The following SUGCT variants were observed in gnomAD, a reference collection of about 807,000 sequenced individuals.
The protein encoded by SUGCT is succinyl-CoA:glutarate CoA-transferase.
SUGCT carries 41 observed loss-of-function variants against 55.0 expected under a neutral mutation model. That is an observed-to-expected ratio of 0.74 (90% CI 0.58 to 0.97). The LOEUF (loss-of-function observed/expected upper bound fraction) is 0.97. Among genes scored for constraint, SUGCT ranks in the 50% least tolerant of loss-of-function variants. SUGCT has a pLI of 0.00. For synonymous variants in SUGCT, 187 were observed against 200.4 expected, an observed-to-expected ratio of 0.93 and a Z score of 0.56; for missense variants, 568 against 547.8, an observed-to-expected ratio of 1.04 and a Z score of -0.37.
At chr7:40,484,135 T>G (rs1044156181) in intron 11 of SUGCT, among the ~76,000 whole-genome samples, 1 of 152,204 alleles carries the variant, frequency 6.6e-6, no homozygotes, top group East Asian at 1.9e-4. Context: ...AGATTAAATG[T>G]CAGACTTATC....
intron 9 of SUGCT, among the ~76,000 whole-genome samples, chr7:40,359,777 A>G (rs1419386617): frequency 6.6e-6 from 1 of 152,206 alleles, no homozygotes; most frequent in Non-Finnish European, 1.5e-5. Flanking sequence ...ATGAGACAAC[A>G]TGTGTCAACT....
At chr7:40,769,973 C>CATT (rs1380599189) in intron 13 of SUGCT, among the ~76,000 whole-genome samples, 3 of 152,258 alleles carry the variant, frequency 2.0e-5, no homozygotes, top group Admixed American at 2.0e-4. Flanking sequence ...TTTCTTATAA[C>CATT]ATTATTTCTC....
chr7:40,442,951 C>A (rs1336980372), intron 9 of SUGCT, among the ~76,000 whole-genome samples: 2 of 152,150 alleles, frequency 1.3e-5, no homozygotes, highest in Non-Finnish European at 2.9e-5. Flanking sequence ...CAATTACCAC[C>A]TATGAGTGAG....
At chr7:40,137,670 C>T (rs1349091395) in intron 1 of SUGCT, among the ~76,000 whole-genome samples, 3 of 151,956 alleles carry the variant, frequency 2.0e-5, no homozygotes, top group Non-Finnish European at 4.4e-5. Context: ...AGTATACTCT[C>T]TCTATATATT....
At chr7:40,548,939 G>T (rs1795154971) in intron 12 of SUGCT, among the ~76,000 whole-genome samples, 1 of 152,134 alleles carries the variant, frequency 6.6e-6, no homozygotes, top group Non-Finnish European at 1.5e-5. Context: ...AAGTAAACAT[G>T]CAATAATTGA....
At chr7:40,237,970 G>A (rs1221437202) in intron 7 of SUGCT, among the ~76,000 whole-genome samples, 1 of 152,158 alleles carries the variant, frequency 6.6e-6, no homozygotes, top group African/African-American at 2.4e-5. Flanking sequence ...ACATGGAAAA[G>A]AGCAATGTTT....
At chr7:40,651,117 A>G (rs1268718480) in intron 12 of SUGCT, among the ~76,000 whole-genome samples, 2 of 152,084 alleles carry the variant, frequency 1.3e-5, no homozygotes, top group African/African-American at 2.4e-5. Flanking sequence ...TATCTGCTCT[A>G]TCATTGGTGG....
rs183721845 is a variant in SUGCT at position 40,191,981 on chromosome 7, G to T, written c.363+2387G>T. The stretch of plus-strand genomic sequence containing the variant: ...AAATTAGCTGGGCGTGTTGGTGCGT[G>T]CCTGTAGTCCCAGCTACTTGGGAGG... On this transcript the variant is annotated intron_variant, in intron 5 of 13. Coordinates refer to ENST00000335693, the MANE Select transcript of SUGCT (RefSeq NM_001193313.2). Among the ~76,000 whole-genome samples, 65 of 152,086 alleles carry T rather than the reference G, an allele frequency of 4.3e-4. 1 individual carries two copies. The highest frequency in any genetic ancestry group is 1.6e-3 in the African/African-American group (65 of 41,500).
At chr7:40,243,541 A>T (rs527556441) in intron 7 of SUGCT, among the ~76,000 whole-genome samples, 1 of 151,722 alleles carries the variant, frequency 6.6e-6, no homozygotes, top group African/African-American at 2.4e-5. Context: ...ACATTGGAAA[A>T]CTCATGAGTT....
At chr7:40,681,479 C>A (rs1248970259) in intron 12 of SUGCT, among the ~76,000 whole-genome samples, 2 of 152,092 alleles carry the variant, frequency 1.3e-5, no homozygotes, top group Non-Finnish European at 2.9e-5. Context: ...TTTCTCCGTA[C>A]AGTAAGACCA....
the SUGCT span, among the ~76,000 whole-genome samples, chr7:40,992,697 G>T: frequency 1.3e-5 from 2 of 152,106 alleles, no homozygotes; most frequent in Admixed American, 6.6e-5. Context: ...GAAGAGATTT[G>T]GCTTTGGAGT....
chr7:40,458,793 G>A (rs917475929), intron 10 of SUGCT, among the ~76,000 whole-genome samples: 9 of 151,950 alleles, frequency 5.9e-5, no homozygotes, highest in African/African-American at 2.2e-4. Flanking sequence ...TTTTTCTGTG[G>A]GGATCTGCTA....
intron 12 of SUGCT, among the ~76,000 whole-genome samples, chr7:40,738,971 A>G (rs1250545074): frequency 6.6e-6 from 1 of 152,216 alleles, no homozygotes; most frequent in African/African-American, 2.4e-5. Flanking sequence ...TAGCTGAGAA[A>G]ATAAAATTGA....
chr7:40,891,114 G>A, the SUGCT span, among the ~76,000 whole-genome samples: 2 of 151,510 alleles, frequency 1.3e-5, no homozygotes, highest in African/African-American at 4.8e-5. Context: ...TTCCCAAGTA[G>A]AGGAAAAAAA....
intron 13 of SUGCT, among the ~76,000 whole-genome samples, chr7:40,791,877 A>G (rs1471634744): frequency 6.6e-6 from 1 of 152,180 alleles, no homozygotes; most frequent in South Asian, 2.1e-4. Context: ...GGAATTAATC[A>G]GGAATACTAC....
chr7:40,667,376 A>G (rs991349470), intron 12 of SUGCT, among the ~76,000 whole-genome samples: 15 of 151,938 alleles, frequency 9.9e-5, no homozygotes, highest in African/African-American at 1.9e-4. Context: ...CTTTGTGTCT[A>G]TGTTCATCGG....
At chr7:40,602,260 AT>A (rs1798329281) in intron 12 of SUGCT, among the ~76,000 whole-genome samples, 1 of 152,200 alleles carries the variant, frequency 6.6e-6, no homozygotes, top group Admixed American at 6.5e-5. Flanking sequence ...GTGCTTTGCC[AT>A]GGTTACCACG....
At chr7:40,814,401 A>ATT (rs1791570666) in intron 13 of SUGCT, among the ~76,000 whole-genome samples, 1 of 151,552 alleles carries the variant, frequency 6.6e-6, no homozygotes, top group African/African-American at 2.4e-5. Context: ...TTTTAAAATT[A>ATT]TTTTTTTCTT....
intron 12 of SUGCT, among the ~76,000 whole-genome samples, chr7:40,602,792 A>T (rs751424112): frequency 1.3e-5 from 2 of 152,124 alleles, no homozygotes; most frequent in Non-Finnish European, 2.9e-5. Context: ...TTCTAGGTGT[A>T]TGTACTATCT....
Sources: allele counts gnomAD v4.1 joint callset (sites outside exome capture counted in the v4.1 genomes callset), GRCh38; gene constraint gnomAD v4.1.1; transcripts MANE v1.5; gene names NCBI Gene and HGNC (gene_info 2026-07-23, HGNC 2026-07-21).